Variants in WTAP observed in about 807,000 individuals in gnomAD.
The protein encoded by WTAP is pre-mRNA-splicing regulator WTAP.
A neutral mutation model predicts 50.0 loss-of-function variants in WTAP; 8 were observed. The observed-to-expected ratio is 0.16, with a 90% CI of 0.09 to 0.29. The LOEUF (loss-of-function observed/expected upper bound fraction) is 0.29. Among genes scored for constraint, WTAP ranks in the 10% least tolerant of loss-of-function variants. The pLI is 1.00. For missense variants in WTAP, 295 were observed against 470.7 expected, an observed-to-expected ratio of 0.63 and a Z score of 3.45; for synonymous variants, 194 against 169.0, an observed-to-expected ratio of 1.15 and a Z score of -1.15.
intron 7 of WTAP, among the ~76,000 whole-genome samples, 196 bp from the exon 8 acceptor site, chr6:159,754,832 A>C (rs1202215774): frequency 2.0e-5 from 3 of 152,150 alleles, no homozygotes; most frequent in Non-Finnish European, 4.4e-5. Context: ...ATATTATTTT[A>C]AGTATCTGAC....
intron 1 of WTAP, among the ~76,000 whole-genome samples, chr6:159,735,450 T>C (rs1448946890): frequency 1.3e-5 from 2 of 152,164 alleles, no homozygotes; most frequent in East Asian, 1.9e-4. Flanking sequence ...GTGTAACATA[T>C]ATTTTAAAAT....
intron 1 of WTAP, among the ~76,000 whole-genome samples, chr6:159,731,837 C>G (rs1778589114): frequency 6.6e-6 from 1 of 152,110 alleles, no homozygotes. Flanking sequence ...TTCAGAATAC[C>G]AAGGTTATCA....
rs1053420365 is a variant in WTAP, at chr6:159,738,240, C to T, written c.31-750C>T. 2.0e-5 allele frequency among the ~76,000 whole-genome samples: 3 copies of T among 152,184 alleles called. No individual in the cohort carries two copies. The East Asian group carries it at 5.8e-4, about 29-fold the overall frequency. Reference sequence around the variant, plus strand: ...TATTCTTTTATAGCCACATCTACCCCGTCCCTCTCCATGCCTGACCCCTGG... The same window carrying T: ...TATTCTTTTATAGCCACATCTACCCTGTCCCTCTCCATGCCTGACCCCTGG... On this transcript the variant is annotated intron_variant, in intron 2 of 7. Transcript: ENST00000621533.
At chr6:159,737,332 T>C (rs920134999) in intron 2 of WTAP, among the ~76,000 whole-genome samples, 3 of 152,120 alleles carry the variant, frequency 2.0e-5, no homozygotes, top group Non-Finnish European at 4.4e-5. Context: ...ATAATAGGCA[T>C]GAGCTGCCTC....
At chr6:159,728,147 T>C (rs78550031) in intron 1 of WTAP, among the ~76,000 whole-genome samples, 5,316 of 152,316 alleles carry the variant, frequency 0.035, 109 homozygotes, top group Non-Finnish European at 0.052. Flanking sequence ...AGGATGTTAC[T>C]ACGTTCTCTT....
chr6:159,746,619 T>C (rs1305681015), intron 5 of WTAP, among the ~76,000 whole-genome samples: 2 of 152,208 alleles, frequency 1.3e-5, no homozygotes, highest in Admixed American at 6.5e-5. Context: ...AAGGCATAAA[T>C]TAGCCACGTA....
At chr6:159,726,909 G>A (rs1562445985), upstream of WTAP, 1 of 1,289,046 alleles carries the variant, frequency 7.8e-7, no homozygotes, top group Middle Eastern at 2.2e-4. Context: ...CCTCTCTCTT[G>A]AGGTGGCACC....
At position 159,739,706 on chromosome 6, in the gene WTAP, G is replaced by A. The variant is rs574262449; in HGVS notation, c.86+661G>A. On this transcript the variant is annotated intron_variant, in intron 3 of 7. Coordinates refer to ENST00000621533, the MANE Select transcript of WTAP (RefSeq NM_001270531.2). ...ATAAGTATTTTAACAGGCTGAAAGC[G>A]GAGGAGAGAAAAGATGTTTTGTGAG... Among the ~76,000 whole-genome samples, 12 of 152,170 alleles carry A rather than the reference G, an allele frequency of 7.9e-5. No individual in the cohort carries two copies. In the East Asian group the frequency reaches 2.1e-3, roughly 27 times the overall value.
intron 6 of WTAP, among the ~76,000 whole-genome samples, chr6:159,751,295 G>A (rs2114953771): frequency 6.6e-6 from 1 of 152,212 alleles, no homozygotes; most frequent in South Asian, 2.1e-4. Context: ...TAGAATTTGT[G>A]ACATTTTTAT....
chr6:159,727,442 G>C (rs1778253254), upstream of WTAP: 1 of 1,148,072 alleles, frequency 8.7e-7, no homozygotes. Context: ...GACCGGCTGT[G>C]GGGCGGGGCA....
chr6:159,733,593 G>T (rs1255335179), intron 1 of WTAP, among the ~76,000 whole-genome samples: 1 of 150,914 alleles, frequency 6.6e-6, no homozygotes, highest in East Asian at 1.9e-4. Flanking sequence ...CTGCACTGTG[G>T]TCTAGGTGAC....
At chr6:159,735,582 C>T (rs1355755667) in intron 1 of WTAP, among the ~76,000 whole-genome samples, 1 of 152,190 alleles carries the variant, frequency 6.6e-6, no homozygotes, top group Non-Finnish European at 1.5e-5. Context: ...AACCCCGTCT[C>T]TACTAAAAAT....
At position 159,748,224 on chromosome 6, in the gene WTAP, C is replaced by G; in HGVS notation, c.307C>G (p.Pro103Ala). The change falls in exon 6 of 8, where the codon CCG (proline) becomes GCG (alanine). Residue 103 changes from proline (P) to alanine (A), a missense_variant. Pro to Ala is a conservative substitution (Grantham distance 27). Around this residue, in one of 2 missense-constraint regions of WTAP, gnomAD observed 120 missense variants for 287.6 expected, o/e 0.42. Coordinates refer to ENST00000621533, the MANE Select transcript of WTAP (RefSeq NM_001270531.2). The surrounding 1 kb of genome is among the most constrained non-coding windows in gnomAD (Gnocchi z 5.6). ...QIQYLKQVQQ[P>A]SVAQLRSTMV... ...CCAGTACCTCAAGCAAGTCCAGCAG[C>G]CGAGCGTTGCCCAACTGAGATCAAC... 1 of 1,613,944 alleles carries G rather than the reference C, an allele frequency of 6.2e-7. No homozygotes were observed. Among genetic ancestry groups the G allele is most frequent in the Non-Finnish European group, 8.5e-7 (1 of 1,179,938 alleles).
chr6:159,753,807 CCCT>C (rs1377886508), intron 7 of WTAP, among the ~76,000 whole-genome samples, 193 bp downstream of exon 7: 2 of 147,396 alleles, frequency 1.4e-5, no homozygotes, highest in Non-Finnish European at 2.9e-5. Context: ...TTTATCCCCA[CCCT>C]CCTAATTCTT....
chr6:159,728,048 C>G (rs372957164), intron 1 of WTAP, among the ~76,000 whole-genome samples: 2 of 152,194 alleles, frequency 1.3e-5, no homozygotes. Context: ...CTTCACCTCC[C>G]TTGGGCCTCT....
chr6:159,731,838 A>C (rs1217753542), intron 1 of WTAP, among the ~76,000 whole-genome samples: 4 of 152,204 alleles, frequency 2.6e-5, no homozygotes, highest in African/African-American at 9.7e-5. Context: ...TCAGAATACC[A>C]AGGTTATCAG....
chr6:159,732,654 G>C (rs1778644768), intron 1 of WTAP, among the ~76,000 whole-genome samples: 1 of 152,104 alleles, frequency 6.6e-6, no homozygotes, highest in East Asian at 1.9e-4. Flanking sequence ...GGTCAACATG[G>C]TGAAACTAAA....
chr6:159,733,232 G>A (rs1778697827), intron 1 of WTAP, among the ~76,000 whole-genome samples: 1 of 152,210 alleles, frequency 6.6e-6, no homozygotes, highest in Non-Finnish European at 1.5e-5. Flanking sequence ...TCATAGGACA[G>A]AGTGACTTGC....
At chr6:159,736,201 C>A in intron 1 of WTAP, 57 bp from the exon 2 acceptor site, 2 of 1,535,168 alleles carry the variant, frequency 1.3e-6, no homozygotes, top group Non-Finnish European at 1.8e-6. Flanking sequence ...ATTTTTTATT[C>A]CTACTTTCAC....
Sources: gnomAD v4.1 joint callset for allele counts (sites outside exome capture counted in the v4.1 genomes callset) on GRCh38, gnomAD v4.1.1 for gene constraint, gnomAD v4.1.1 regional missense constraint, Gnocchi (gnomAD v3.1) non-coding constraint, MANE v1.5 for transcripts, NCBI Gene and HGNC (gene_info 2026-07-23, HGNC 2026-07-21) for gene names.